INVS: variants seen among roughly 807,000 people sequenced by gnomAD.
INVS encodes the protein inversion of embryo turning homolog.
A neutral mutation model predicts 108.8 loss-of-function variants in INVS; 86 were observed. That is an observed-to-expected ratio of 0.79 (90% CI 0.66 to 0.95). The LOEUF is 0.95. Among genes scored for constraint, INVS ranks in the 40% least tolerant of loss-of-function variants. INVS has a pLI of 0.00. For synonymous variants in INVS, 455 were observed against 473.5 expected (o/e 0.96, Z 0.51); for missense variants, 1,169 against 1,297.4 (o/e 0.90, Z 1.52).
intron 3 of INVS, among the ~76,000 whole-genome samples, chr9:100,219,116 C>T (rs965600277): frequency 1.3e-5 from 2 of 151,754 alleles, no homozygotes; most frequent in East Asian, 1.9e-4. Flanking sequence ...AAATAAGCCA[C>T]ACAGAGAAGA....
intron 3 of INVS, among the ~76,000 whole-genome samples, chr9:100,161,804 C>T (rs759330514): frequency 6.6e-6 from 1 of 152,100 alleles, no homozygotes; most frequent in Non-Finnish European, 1.5e-5. Context: ...TTAAATCTTG[C>T]CTTGATTAGA....
At chr9:100,130,215 C>G (rs1296868728) in intron 3 of INVS, 1 of 152,188 alleles carries the variant, frequency 6.6e-6, no homozygotes, top group Non-Finnish European at 1.5e-5. Flanking sequence ...AGTATCTGCT[C>G]TCTGTCAGTT....
chr9:100,300,507 C>A, intron 16 of INVS, 61 bp from the exon 17 acceptor site: 3 of 1,146,566 alleles, frequency 2.6e-6, no homozygotes, highest in Non-Finnish European at 4.0e-6. Flanking sequence ...CACCAATGAA[C>A]TATTCCCTTC....
chr9:100,122,576 C>CTTTTTT lies in INVS; in HGVS notation c.107-3787_107-3782dup, dbSNP rs1161036698. Among the ~76,000 whole-genome samples the CTTTTTT allele has an allele frequency of 1.8e-3, 102 of 57,524 alleles. 8 individuals carry two copies. The highest frequency in any genetic ancestry group is 2.0e-3 in the East Asian group (4 of 2,046). 37.7% of individuals were successfully genotyped at this position (57,524 alleles called of 152,430 possible). ...ATGTTATTGTATTTTAAGTGAGTTT[C>CTTTTTT]TTTTTTTTTTTTTTTTTTTTTTTTT... On this transcript the variant is annotated intron_variant, in intron 2 of 16. Coordinates refer to ENST00000262457, the MANE Select transcript of INVS (RefSeq NM_014425.5).
At chr9:100,296,816 A>G (rs1429301130) in intron 14 of INVS, 101 bp from the exon 15 acceptor site, 2 of 921,912 alleles carry the variant, frequency 2.2e-6, no homozygotes, top group Non-Finnish European at 3.5e-6. Context: ...CCTACCAGGA[A>G]TTCAGCAAAT....
At chr9:100,284,668 T>C in intron 13 of INVS, 65 bp downstream of exon 13, 1 of 1,491,388 alleles carries the variant, frequency 6.7e-7, no homozygotes, top group Non-Finnish European at 9.2e-7. Context: ...GATTGGTGTA[T>C]TTAGACCAAT....
At chr9:100,174,761 A>C (rs982596787) in intron 3 of INVS, among the ~76,000 whole-genome samples, 5 of 151,892 alleles carry the variant, frequency 3.3e-5, no homozygotes, top group African/African-American at 1.2e-4. Flanking sequence ...AAAAATACAA[A>C]ATTAGCTGGG....
At chr9:100,262,638 T>TAAAAAAAAAAAAAAAAAA (rs58650063) in intron 10 of INVS, among the ~76,000 whole-genome samples, 1 of 116,484 alleles carries the variant, frequency 8.6e-6, no homozygotes, top group Non-Finnish European at 1.7e-5. Flanking sequence ...CCTGGAGCAC[T>TAAAAAAAAAAAAAAAAAA]AAAAAAAAAA....
intron 16 of INVS, 97 bp from the exon 17 acceptor site, chr9:100,300,471 C>T (rs1833932407): frequency 1.2e-6 from 1 of 834,992 alleles, no homozygotes; most frequent in South Asian, 1.4e-5. Flanking sequence ...CCAGGGATAG[C>T]CTAAACCGAA....
intron 3 of INVS, among the ~76,000 whole-genome samples, chr9:100,204,674 C>T (rs1445994727): frequency 6.6e-6 from 1 of 152,054 alleles, no homozygotes; most frequent in Non-Finnish European, 1.5e-5. Flanking sequence ...AAGATTTTCC[C>T]ACCTCTGAAC....
In INVS at chr9:100,152,363, A is replaced by G. The variant is rs74514889; in HGVS notation, c.273+25814A>G. Among the ~76,000 whole-genome samples, 449 of 152,294 alleles carry G rather than the reference A, an allele frequency of 2.9e-3. 4 individuals carry two copies. The highest frequency in any genetic ancestry group is 0.01 in the African/African-American group (432 of 41,558). On this transcript the variant is annotated intron_variant, in intron 3 of 16. Coordinates refer to ENST00000262457, the MANE Select transcript of INVS (RefSeq NM_014425.5). ...AGTATAGTTGTCATCTCTCCCACTT[A>G]TGAGTCACCAAGATTCTCATCCTAA...
intron 1 of INVS, among the ~76,000 whole-genome samples, chr9:100,100,896 T>TA (rs1826915549): frequency 5.7e-5 from 2 of 35,352 alleles, no homozygotes; most frequent in Non-Finnish European, 9.1e-5. Context: ...TAATATATAT[T>TA]ATATATGTAT....
intron 3 of INVS, among the ~76,000 whole-genome samples, chr9:100,174,849 T>A (rs1010096888): frequency 2.6e-5 from 4 of 151,908 alleles, no homozygotes; most frequent in Admixed American, 6.6e-5. Context: ...GAGGAGGAGG[T>A]TGCAGTGAGC....
At chr9:100,240,677 T>C (rs1315463417) in intron 6 of INVS, among the ~76,000 whole-genome samples, 1 of 152,118 alleles carries the variant, frequency 6.6e-6, no homozygotes, top group Non-Finnish European at 1.5e-5. Context: ...TGTGTATGTT[T>C]TATGTGTATG....
intron 3 of INVS, among the ~76,000 whole-genome samples, chr9:100,223,348 C>T (rs1026715244): frequency 2.0e-5 from 3 of 152,120 alleles, no homozygotes; most frequent in South Asian, 2.1e-4. Flanking sequence ...CTGCCCATCT[C>T]GGCCACCCAA....
chr9:100,180,293 A>C (rs1046801585), intron 3 of INVS, among the ~76,000 whole-genome samples: 4 of 152,170 alleles, frequency 2.6e-5, no homozygotes, highest in African/African-American at 9.6e-5. Flanking sequence ...GCAGAACTAA[A>C]GGAGATAGAG....
At chr9:100,233,742 C>G (rs913502482) in intron 5 of INVS, among the ~76,000 whole-genome samples, 10 of 152,108 alleles carry the variant, frequency 6.6e-5, no homozygotes, top group Non-Finnish European at 1.0e-4. Flanking sequence ...GGTGGATAAG[C>G]TTTTTGATGT....
intron 3 of INVS, among the ~76,000 whole-genome samples, chr9:100,143,139 G>C (rs1422593658): frequency 6.6e-6 from 1 of 152,120 alleles, no homozygotes. Context: ...AGAGAGGCTG[G>C]GATGAAGGGT....
At chr9:100,270,818 G>T (rs1384740836) in intron 11 of INVS, among the ~76,000 whole-genome samples, 1 of 151,134 alleles carries the variant, frequency 6.6e-6, no homozygotes, top group East Asian at 1.9e-4. Flanking sequence ...GCTATTTGGG[G>T]GGCTGAGGCA....
Sources: allele counts gnomAD v4.1 joint callset (sites outside exome capture counted in the v4.1 genomes callset), GRCh38; gene constraint gnomAD v4.1.1; transcripts MANE v1.5; gene names NCBI Gene and HGNC (gene_info 2026-07-23, HGNC 2026-07-21).